MTSS1: variants seen among roughly 807,000 people sequenced by gnomAD.
MTSS1 encodes the protein protein MTSS 1.
In MTSS1, 18 loss-of-function variants were observed where a neutral mutation model predicts 79.0. The observed-to-expected ratio is 0.23, with a 90% CI of 0.16 to 0.34. MTSS1 has a LOEUF of 0.34. Ranked by LOEUF, MTSS1 falls within the 10% of genes least tolerant of loss-of-function variation. The pLI, the probability that MTSS1 is intolerant of heterozygous loss-of-function variation, is 1.00. For missense variants in MTSS1, 815 were observed against 986.2 expected, an observed-to-expected ratio of 0.83 and a Z score of 2.33; for synonymous variants, 341 against 368.6, an observed-to-expected ratio of 0.93 and a Z score of 0.86.
At chr8:124,709,002 A>G (rs1271931033) in intron 1 of MTSS1, among the ~76,000 whole-genome samples, 1 of 152,090 alleles carries the variant, frequency 6.6e-6, no homozygotes, top group African/African-American at 2.4e-5. Context: ...TGTTCCAGAT[A>G]TTTTTGTAAG....
intron 1 of MTSS1, among the ~76,000 whole-genome samples, chr8:124,714,763 AGCCT>A (rs1469382528): frequency 6.6e-6 from 1 of 152,152 alleles, no homozygotes; most frequent in Non-Finnish European, 1.5e-5. Flanking sequence ...CACCACTCCC[AGCCT>A]GCCCAGTTCT....
chr8:124,573,854 T>C (rs1828389219), intron 6 of MTSS1, among the ~76,000 whole-genome samples: 1 of 152,210 alleles, frequency 6.6e-6, no homozygotes, highest in African/African-American at 2.4e-5. Flanking sequence ...CGCTGGGGAA[T>C]TCTGATGAAC....
At chr8:124,565,042 A>G (rs939140758) in intron 9 of MTSS1, among the ~76,000 whole-genome samples, 3 of 152,212 alleles carry the variant, frequency 2.0e-5, no homozygotes, top group Admixed American at 1.3e-4. Context: ...AAACTTTCCT[A>G]CTCGGCAAGC....
intron 1 of MTSS1, among the ~76,000 whole-genome samples, chr8:124,707,396 A>C (rs13271610): frequency 0.16 from 1,444 of 9,084 alleles, 18 homozygotes; most frequent in African/African-American, 0.3. Flanking sequence ...AAAATACAAA[A>C]AAAAAAACAA....
chr8:124,704,135 C>G lies in MTSS1; in HGVS notation c.129G>C (p.Gln43His). The G allele has an allele frequency of 6.2e-7, 1 of 1,613,970 alleles. No individual in the cohort carries two copies. Residue 43 changes from glutamine (Q) to histidine (H), a missense_variant, in exon 2 of 14, where the codon CAG (glutamine) becomes CAC (histidine). This residue lies in a region of MTSS1 where 225 missense variants were observed against 365.4 expected (regional missense o/e 0.62). Transcript: ENST00000518547. ...GAACATGTGCTTCTACTTACCGAAG[C>G]TGGGACTGCAGCTTTCCTGCTTTGT... ...FINKAGKLQS[Q>H]LRTTVVAAAA...
chr8:124,573,144 A>G (rs1278597225), intron 6 of MTSS1, among the ~76,000 whole-genome samples: 1 of 152,248 alleles, frequency 6.6e-6, no homozygotes, highest in African/African-American at 2.4e-5. Flanking sequence ...CTGCCCTGCA[A>G]GGCATGAAAG....
intron 3 of MTSS1, among the ~76,000 whole-genome samples, chr8:124,677,214 GA>G (rs1276316237): frequency 6.6e-6 from 1 of 152,072 alleles, no homozygotes; most frequent in Non-Finnish European, 1.5e-5. Context: ...GATTAATCTT[GA>G]ACACTTAAAT....
chr8:124,682,487 G>T (rs940286065), intron 3 of MTSS1, among the ~76,000 whole-genome samples: 1 of 152,218 alleles, frequency 6.6e-6, no homozygotes, highest in Non-Finnish European at 1.5e-5. Context: ...CAGGAGAGAG[G>T]CCCCATTCCA....
At chr8:124,705,211 C>G (rs576832009) in intron 1 of MTSS1, among the ~76,000 whole-genome samples, 1 of 152,328 alleles carries the variant, frequency 6.6e-6, no homozygotes, top group South Asian at 2.1e-4. Context: ...TGGCTCACAG[C>G]TGTAATTCCA....
intron 3 of MTSS1, among the ~76,000 whole-genome samples, chr8:124,632,322 C>T (rs1196739550): frequency 6.6e-6 from 1 of 150,396 alleles, no homozygotes; most frequent in Non-Finnish European, 1.5e-5. Context: ...TTTCTCAATC[C>T]TGCCTTTTAT....
rs550140283 is a variant in MTSS1, at chr8:124,627,892, C to T, written c.209-36657G>A. ...AGATAGAAAACTAGCAGTGACTGGT[C>T]GCGGTGGCTCACGCCTGTAATCCCA... On this transcript the variant is annotated intron_variant, in intron 3 of 13. Coordinates refer to ENST00000518547, the MANE Select transcript of MTSS1 (RefSeq NM_014751.6). Among the ~76,000 whole-genome samples, 148 of 152,276 alleles carry T rather than the reference C, an allele frequency of 9.7e-4. 2 individuals carry two copies. The highest frequency in any genetic ancestry group is 3.9e-4 in the East Asian group (2 of 5,184).
In MTSS1 at chr8:124,624,050, G is replaced by A. The variant is rs145862103; in HGVS notation, c.209-32815C>T. 2.1e-3 allele frequency among the ~76,000 whole-genome samples: 325 copies of A among 152,322 alleles called. 2 individuals are homozygous for A. The highest frequency in any genetic ancestry group is 7.2e-3 in the African/African-American group (298 of 41,550). On this transcript the variant is annotated intron_variant, in intron 3 of 13. Coordinates refer to ENST00000518547, the MANE Select transcript of MTSS1 (RefSeq NM_014751.6). ...CATCGAAGCTATCAACCATTGCTTC[G>A]TGTGGGTGAACTGATATGTGCTGTT... is the stretch of plus-strand genomic sequence containing the variant.
At chr8:124,561,437 C>T (rs1825292065) in intron 10 of MTSS1, among the ~76,000 whole-genome samples, 1 of 152,098 alleles carries the variant, frequency 6.6e-6, no homozygotes, top group South Asian at 2.1e-4. Flanking sequence ...CATGACAAAA[C>T]AAAAAGCTAC....
intron 5 of MTSS1, among the ~76,000 whole-genome samples, chr8:124,586,836 C>T (rs1242135941): frequency 2.0e-5 from 3 of 152,118 alleles, no homozygotes; most frequent in Admixed American, 1.3e-4. Context: ...AAAATTGAGA[C>T]GTGCTTCTCT....
At chr8:124,681,033 A>G (rs1215265814) in intron 3 of MTSS1, among the ~76,000 whole-genome samples, 6 of 152,180 alleles carry the variant, frequency 3.9e-5, no homozygotes, top group Admixed American at 3.9e-4. Context: ...TAAGTGGTAT[A>G]GCCCAGAGTA....
At chr8:124,712,094 T>C (rs1312800040) in intron 1 of MTSS1, among the ~76,000 whole-genome samples, 1 of 152,028 alleles carries the variant, frequency 6.6e-6, no homozygotes, top group Admixed American at 6.5e-5. Context: ...AAGAGGTTCA[T>C]AGCTGTTGGC....
At chr8:124,693,647 C>T (rs1481849152) in intron 3 of MTSS1, among the ~76,000 whole-genome samples, 1 of 152,116 alleles carries the variant, frequency 6.6e-6, no homozygotes, top group East Asian at 1.9e-4. Flanking sequence ...GAAGGTCCGG[C>T]GTCCACCTGC....
At chr8:124,559,635 G>A (rs1373625605) in intron 10 of MTSS1, among the ~76,000 whole-genome samples, 2 of 152,178 alleles carry the variant, frequency 1.3e-5, no homozygotes, top group African/African-American at 4.8e-5. Flanking sequence ...CTGGCTTCCT[G>A]ATGTTCAGCT....
At chr8:124,633,969 A>C (rs1563904373) in intron 3 of MTSS1, among the ~76,000 whole-genome samples, 1 of 152,220 alleles carries the variant, frequency 6.6e-6, no homozygotes, top group Non-Finnish European at 1.5e-5. Flanking sequence ...CTCACACTTC[A>C]AGATATGGTC....
Sources: allele counts gnomAD v4.1 joint callset (sites outside exome capture counted in the v4.1 genomes callset), GRCh38; gene constraint gnomAD v4.1.1; regional missense constraint gnomAD v4.1.1; transcripts MANE v1.5; gene names NCBI Gene and HGNC (gene_info 2026-07-23, HGNC 2026-07-21).